VDAC2: variants seen among roughly 807,000 people sequenced by gnomAD.
VDAC2 encodes voltage dependent anion channel 2, also known as non-selective voltage-gated ion channel VDAC2.
Under a neutral mutation model 36.6 loss-of-function variants are expected in VDAC2, and 6 were observed. That is an observed-to-expected ratio of 0.16 (90% CI 0.09 to 0.32). VDAC2 has a LOEUF of 0.32. Ranked by LOEUF, VDAC2 falls within the 10% of genes least tolerant of loss-of-function variation. VDAC2 has a pLI of 1.00. For missense variants in VDAC2, 247 were observed against 346.0 expected (o/e 0.71, Z 2.27); for synonymous variants, 109 against 123.8 (o/e 0.88, Z 0.79).
intron 9 of VDAC2, 88 bp from the exon 10 acceptor site, chr10:75,230,810 C>G: frequency 8.8e-7 from 1 of 1,141,280 alleles, no homozygotes; most frequent in Non-Finnish European, 1.2e-6. Context: ...CAGGCAGGCT[C>G]TGGGGATGAC....
chr10:75,225,761 T>A (rs1841934495), intron 8 of VDAC2, among the ~76,000 whole-genome samples: 1 of 152,158 alleles, frequency 6.6e-6, no homozygotes, highest in Non-Finnish European at 1.5e-5. Context: ...ACTGCTGAGC[T>A]ATTTTTTTTT....
At chr10:75,224,649 T>C (rs1391378459) in intron 8 of VDAC2, among the ~76,000 whole-genome samples, 1 of 152,184 alleles carries the variant, frequency 6.6e-6, no homozygotes, top group Non-Finnish European at 1.5e-5. Flanking sequence ...CCCTTGATTA[T>C]TGTTATTTGT....
intron 7 of VDAC2, 35 bp downstream of exon 7, chr10:75,221,005 G>A (rs1299019368): frequency 6.4e-7 from 1 of 1,573,746 alleles, no homozygotes; most frequent in Admixed American, 1.7e-5. Flanking sequence ...TGTGATGTGG[G>A]CCCTCAGAGG....
Position 75,230,852 on chromosome 10 carries a change from C to T in VDAC2, c.794-46C>T, listed in dbSNP as rs185715748. Reference sequence around the variant, plus strand: ...AGAAGGCCCAGACTGAGTGACGTGCCAGGTACATCACGGTTTTTTGTTTTT... The same window carrying T: ...AGAAGGCCCAGACTGAGTGACGTGCTAGGTACATCACGGTTTTTTGTTTTT... On this transcript the variant is annotated intron_variant, in intron 9 of 9. Transcript: ENST00000332211. The T allele has an allele frequency of 1.8e-4, 270 of 1,537,200 alleles. No individual in the cohort carries two copies. The African/African-American group carries it at 3.1e-3, about 18-fold the overall frequency.
intron 8 of VDAC2, among the ~76,000 whole-genome samples, chr10:75,228,768 G>A (rs944477592): frequency 6.6e-6 from 1 of 152,150 alleles, no homozygotes; most frequent in Non-Finnish European, 1.5e-5. Flanking sequence ...CCTTTATATT[G>A]TAGCCCTCAG....
intron 7 of VDAC2, among the ~76,000 whole-genome samples, chr10:75,221,413 AC>A (rs964151563): frequency 1.2e-4 from 18 of 152,048 alleles, no homozygotes; most frequent in African/African-American, 4.3e-4. Flanking sequence ...GCTCACTCCA[AC>A]ATCCGCCTCC....
chr10:75,225,284 CAACCT>C (rs1297112376), intron 8 of VDAC2, among the ~76,000 whole-genome samples: 1 of 152,182 alleles, frequency 6.6e-6, no homozygotes, highest in East Asian at 1.9e-4. Context: ...TGGCTTCTGT[CAACCT>C]AAAGGAAGAA....
At chr10:75,211,230 A>G (rs377371816) in intron 2 of VDAC2, 41 bp downstream of exon 2, 123 of 1,606,408 alleles carry the variant, frequency 7.7e-5, no homozygotes, top group Non-Finnish European at 1.0e-4. Flanking sequence ...GGCGGCGGAG[A>G]GTCGAAGCCT....
chr10:75,215,377 A>G (rs1181796731), intron 4 of VDAC2, among the ~76,000 whole-genome samples: 4 of 148,920 alleles, frequency 2.7e-5, no homozygotes, highest in African/African-American at 1.0e-4. Context: ...TTTGAGACGG[A>G]GTCTTGCACT....
intron 9 of VDAC2, among the ~76,000 whole-genome samples, 180 bp from the exon 10 acceptor site, chr10:75,230,718 C>T (rs1842077307): frequency 1.3e-5 from 2 of 152,168 alleles, no homozygotes; most frequent in Admixed American, 1.3e-4. Context: ...AATGGTAACC[C>T]AGTTCTTCTG....
intron 8 of VDAC2, among the ~76,000 whole-genome samples, chr10:75,227,940 G>GC (rs1230374811): frequency 6.7e-6 from 1 of 150,252 alleles, no homozygotes; most frequent in Non-Finnish European, 1.5e-5. Flanking sequence ...AGTAGCCCAG[G>GC]CTGGAGTGCA....
chr10:75,222,543 C>G (rs950581203), intron 8 of VDAC2, 141 bp downstream of exon 8: 1 of 1,184,218 alleles, frequency 8.4e-7, no homozygotes, highest in Non-Finnish European at 1.2e-6. Flanking sequence ...TTGAAATGCG[C>G]TTTTTTGATG....
At chr10:75,219,384 A>T in intron 6 of VDAC2, 28 bp downstream of exon 6, 1 of 1,535,184 alleles carries the variant, frequency 6.5e-7, no homozygotes, top group South Asian at 1.2e-5. Context: ...TATCTGTATT[A>T]CATTTAAAAG....
intron 4 of VDAC2, among the ~76,000 whole-genome samples, chr10:75,216,938 A>G (rs1301481498): frequency 6.6e-6 from 1 of 152,146 alleles, no homozygotes. Context: ...CTTTGTAATT[A>G]TAGTTGCAGA....
At chr10:75,226,849 A>C (rs1475044021) in intron 8 of VDAC2, among the ~76,000 whole-genome samples, 2 of 152,166 alleles carry the variant, frequency 1.3e-5, no homozygotes, top group African/African-American at 2.4e-5. Context: ...AGATGGCCAC[A>C]TGGTAGGGGG....
rs532287833 is a variant in VDAC2 at position 75,212,601 on chromosome 10, G to A, written c.100+303G>A. On this transcript the variant is annotated intron_variant, in intron 3 of 9. Coordinates refer to ENST00000332211, the MANE Select transcript of VDAC2 (RefSeq NM_001391963.1). ...ACCTGGCTAATTTTTTTTATTTTTC[G>A]TAGAGGTGGGGTCTCACTGTGTTAC... Among the ~76,000 whole-genome samples, 15 of 152,028 alleles carry A rather than the reference G, an allele frequency of 9.9e-5. No homozygotes were observed. In the South Asian group the frequency reaches 2.7e-3, roughly 27 times the overall value.
At chr10:75,214,400 A>G (rs1026412619) in intron 4 of VDAC2, among the ~76,000 whole-genome samples, 3 of 152,244 alleles carry the variant, frequency 2.0e-5, no homozygotes, top group Admixed American at 1.3e-4. Context: ...CGTCAGAGTT[A>G]TGGGCATAAA....
At chr10:75,220,696 AGT>A (rs1478287362) in intron 6 of VDAC2, 45 bp from the exon 7 acceptor site, 2 of 1,519,344 alleles carry the variant, frequency 1.3e-6, no homozygotes, top group Non-Finnish European at 1.8e-6. Flanking sequence ...CTTGTGCAGA[AGT>A]GTGTGTAAAT....
In VDAC2 at chr10:75,222,241, A is replaced by G. The variant is rs373912709; in HGVS notation, c.585-11A>G. 14 of 1,610,400 alleles carry G rather than the reference A, an allele frequency of 8.7e-6. No homozygotes were observed. The highest frequency in any genetic ancestry group is 6.7e-5 in the African/African-American group (5 of 74,830). On this transcript the variant is annotated splice_polypyrimidine_tract_variant and intron_variant, in intron 7 of 9. Coordinates refer to ENST00000332211, the MANE Select transcript of VDAC2 (RefSeq NM_001391963.1). ...TCTATTCTAGATCTACTAATTTAAAATATCTTATAGCAATGATGGGACAGA... is the reference window on the plus strand; with the variant it reads ...TCTATTCTAGATCTACTAATTTAAAGTATCTTATAGCAATGATGGGACAGA...
Sources: gnomAD v4.1 joint callset for allele counts (sites outside exome capture counted in the v4.1 genomes callset) on GRCh38, gnomAD v4.1.1 for gene constraint, MANE v1.5 for transcripts, NCBI Gene and HGNC (gene_info 2026-07-23, HGNC 2026-07-21) for gene names.